Variants in SORCS3 observed in about 807,000 individuals in gnomAD.
SORCS3 encodes VPS10 domain-containing receptor SorCS3.
Under a neutral mutation model 146.3 loss-of-function variants are expected in SORCS3, and 57 were observed. The ratio of observed to expected loss-of-function variants is 0.39; its 90% confidence interval spans 0.31 to 0.49. The LOEUF (loss-of-function observed/expected upper bound fraction) is 0.49. Among genes scored for constraint, SORCS3 ranks in the 20% least tolerant of loss-of-function variants. SORCS3 has a pLI of 0.92. For synonymous variants in SORCS3, 653 were observed against 618.5 expected (o/e 1.06, Z -0.83); for missense variants, 1,341 against 1,575.5 (o/e 0.85, Z 2.52).
chr10:104,716,812 T>G (rs1177901554), intron 1 of SORCS3, among the ~76,000 whole-genome samples: 1 of 152,136 alleles, frequency 6.6e-6, no homozygotes, highest in Non-Finnish European at 1.5e-5. Flanking sequence ...GAGACAGATC[T>G]CCCTCCATGG....
intron 1 of SORCS3, among the ~76,000 whole-genome samples, chr10:104,744,561 C>T (rs1177052759): frequency 2.6e-5 from 4 of 152,156 alleles, no homozygotes; most frequent in African/African-American, 9.7e-5. Context: ...AGGTTATAGA[C>T]ATTTGAAACT....
chr10:104,755,300 CAT>C (rs1022820950), intron 1 of SORCS3, among the ~76,000 whole-genome samples: 4 of 152,188 alleles, frequency 2.6e-5, no homozygotes, highest in African/African-American at 9.7e-5. Flanking sequence ...TCCACAAAAA[CAT>C]ATTCAGTCAC....
At position 105,047,753 on chromosome 10, in the gene SORCS3, C is replaced by T. The variant is rs540969039; in HGVS notation, c.1028+4625C>T. On this transcript the variant is annotated intron_variant, in intron 5 of 26. Transcript: ENST00000369701. ...GGCTGTAGGTCTTTATTGTACTTTG[C>T]TTAAGGCCGGCTTACACACTATGGG... Among the ~76,000 whole-genome samples the T allele has an allele frequency of 7.2e-5, 11 of 152,144 alleles. No individual in the cohort carries two copies. In the East Asian group the frequency reaches 1.9e-3, roughly 27 times the overall value.
chr10:104,791,483 A>G (rs1321027329), intron 1 of SORCS3, among the ~76,000 whole-genome samples: 1 of 152,216 alleles, frequency 6.6e-6, no homozygotes, highest in Admixed American at 6.5e-5. Context: ...AGGCTCGGTG[A>G]GGTTCAAGGA....
chr10:104,806,804 G>A (rs1429023241), intron 1 of SORCS3, among the ~76,000 whole-genome samples: 1 of 152,186 alleles, frequency 6.6e-6, no homozygotes, highest in African/African-American at 2.4e-5. Flanking sequence ...AGTTGTAAGA[G>A]GCTAGTGTGA....
In SORCS3 at chr10:105,214,566, G is replaced by C. The variant is rs537144933; in HGVS notation, c.2500G>C (p.Val834Leu). ...TGTGGTGACGACCGATGGGCGGCTGGTGGCAGAGCAGGGGCACAATGCAAC... is the reference window on the plus strand; with the variant it reads ...TGTGGTGACGACCGATGGGCGGCTGCTGGCAGAGCAGGGGCACAATGCAAC... ...LHVVTTDGRL[V>L]AEQGHNATFI... The change falls in exon 18 of 27, where the codon GTG becomes CTG. Residue 834 changes from valine (V) to leucine (L), a missense_variant. Coordinates refer to ENST00000369701, the MANE Select transcript of SORCS3 (RefSeq NM_014978.3). 5.0e-6 allele frequency: 8 copies of C among 1,609,898 alleles called. No individual in the cohort carries two copies. In the Admixed American group the frequency reaches 1.2e-4, roughly 24 times the overall value.
chr10:105,002,814 C>T (rs73334074), intron 4 of SORCS3, among the ~76,000 whole-genome samples: 8,113 of 152,212 alleles, frequency 0.053, 246 homozygotes, highest in Middle Eastern at 0.075. Flanking sequence ...TACTTGAGTA[C>T]GTTCCTTAGT....
intron 8 of SORCS3, 138 bp from the exon 9 acceptor site, chr10:105,147,479 C>T (rs1403263302): frequency 4.8e-6 from 3 of 630,700 alleles, no homozygotes; most frequent in South Asian, 3.1e-5. Flanking sequence ...AGCCTTGGTT[C>T]AACATGGAAT....
At chr10:104,756,123 C>T (rs779737680) in intron 1 of SORCS3, among the ~76,000 whole-genome samples, 4 of 152,126 alleles carry the variant, frequency 2.6e-5, no homozygotes, top group Non-Finnish European at 4.4e-5. Context: ...TAGAGGAAGT[C>T]GAGGTCACTC....
chr10:105,089,653 C>T lies in SORCS3; in HGVS notation c.1029-122C>T, dbSNP rs919618250. 4.0e-6 allele frequency: 3 copies of T among 745,464 alleles called. No homozygotes were observed. The African/African-American group carries it at 5.2e-5, about 13-fold the overall frequency. The allele number at this position is 745,464 out of a possible 1,614,324, so 46.2% of individuals were successfully genotyped here. On this transcript the variant is annotated intron_variant, in intron 5 of 26. Coordinates refer to ENST00000369701, the MANE Select transcript of SORCS3 (RefSeq NM_014978.3). Reference sequence around the variant, plus strand: ...TGGCCACATTCTGCTGGTTCCCATACTGCAGGATGGTCCTCTTTGAGAAAA... The same window carrying T: ...TGGCCACATTCTGCTGGTTCCCATATTGCAGGATGGTCCTCTTTGAGAAAA...
intron 3 of SORCS3, 138 bp from the exon 4 acceptor site, chr10:104,977,197 A>T (rs928995670): frequency 7.4e-6 from 4 of 542,050 alleles, no homozygotes; most frequent in Non-Finnish European, 1.1e-5. Context: ...AGTTAATACA[A>T]GTATTTTTTA....
In SORCS3 at chr10:105,262,444, C is replaced by T. The variant is rs1425144066; in HGVS notation, c.3557C>T (p.Thr1186Met). The T allele has an allele frequency of 6.8e-6, 11 of 1,613,938 alleles. No homozygotes were observed. Among genetic ancestry groups the T allele is most frequent in the African/African-American group, 1.3e-5 (1 of 75,028 alleles). Residue 1186 changes from threonine to methionine, a missense_variant, in exon 26 of 27, where the codon ACG (threonine) becomes ATG (methionine). Physicochemically the swap from Thr to Met is moderately conservative, Grantham distance 81. Transcript: ENST00000369701. ...NAPKITLSDF[T>M]EPEELLDKEL... The stretch of plus-strand genomic sequence containing the variant: ...CCCAAAATCACACTCAGTGACTTTA[C>T]GGAGCCTGAGGAGCTGCTGGACAAA...
intron 2 of SORCS3, among the ~76,000 whole-genome samples, chr10:104,914,255 T>C (rs2019000329): frequency 6.6e-6 from 1 of 152,188 alleles, no homozygotes; most frequent in South Asian, 2.1e-4. Context: ...TACATTGTGC[T>C]TGGGGAAACA....
chr10:105,078,931 A>G (rs1418063423), intron 5 of SORCS3, among the ~76,000 whole-genome samples: 1 of 150,880 alleles, frequency 6.6e-6, no homozygotes, highest in East Asian at 1.9e-4. Context: ...GAAAAGGAGC[A>G]CCTGTTACAG....
At chr10:104,651,554 A>AC (rs1554841739) in intron 1 of SORCS3, among the ~76,000 whole-genome samples, 4 of 146,572 alleles carry the variant, frequency 2.7e-5, no homozygotes, top group African/African-American at 1.0e-4. Flanking sequence ...AAAAAAAAAA[A>AC]CACAAAAATT....
intron 1 of SORCS3, among the ~76,000 whole-genome samples, chr10:104,823,307 C>T (rs958243750): frequency 3.3e-5 from 5 of 152,148 alleles, no homozygotes; most frequent in African/African-American, 1.2e-4. Flanking sequence ...TTAGATGGTC[C>T]TCCCCTATGT....
chr10:105,211,702 C>G (rs2056635063), intron 17 of SORCS3, among the ~76,000 whole-genome samples: 1 of 152,218 alleles, frequency 6.6e-6, no homozygotes, highest in Non-Finnish European at 1.5e-5. Flanking sequence ...TGTCAAGGAT[C>G]CCTTTCAGGA....
Position 104,666,464 on chromosome 10 carries a change from T to C in SORCS3, c.627+24510T>C, listed in dbSNP as rs61194609. The stretch of plus-strand genomic sequence containing the variant: ...GGATTTTTCTGTCCGGATCCTTGAA[T>C]GGAGAATCTAACCATGAGCCACAGG... On this transcript the variant is annotated intron_variant, in intron 1 of 26. Coordinates refer to ENST00000369701, the MANE Select transcript of SORCS3 (RefSeq NM_014978.3). 1.8e-3 allele frequency among the ~76,000 whole-genome samples: 273 copies of C among 152,268 alleles called. 10 individuals are homozygous for C. In the East Asian group the frequency reaches 0.048, roughly 27 times the overall value.
chr10:105,263,467 T>C lies in SORCS3; in HGVS notation c.*93T>C. On this transcript the variant is annotated 3_prime_UTR_variant, in exon 27 of 27. Coordinates refer to ENST00000369701, the MANE Select transcript of SORCS3 (RefSeq NM_014978.3). The stretch of plus-strand genomic sequence containing the variant: ...TATGGAAAAATTAAAATGTCTTTTT[T>C]ACCTTTTGTTTACCAAGGGCCCCTT... 1 of 1,303,256 alleles carries C rather than the reference T, an allele frequency of 7.7e-7. No homozygotes were observed. Among genetic ancestry groups the C allele is most frequent in the African/African-American group, 1.5e-5 (1 of 67,598 alleles). The allele number at this position is 1,303,256 out of a possible 1,614,324, so 80.7% of individuals were successfully genotyped here.
Sources: gnomAD v4.1 joint callset for allele counts (sites outside exome capture counted in the v4.1 genomes callset) on GRCh38, gnomAD v4.1.1 for gene constraint, MANE v1.5 for transcripts, NCBI Gene and HGNC (gene_info 2026-07-23, HGNC 2026-07-21) for gene names.